CCR8: variants seen among roughly 807,000 people sequenced by gnomAD.
CCR8 encodes C-C chemokine receptor type 8.
For synonymous variants in CCR8, 156 were observed against 165.7 expected (o/e 0.94, Z 0.45); for missense variants, 358 against 417.5 (o/e 0.86, Z 1.24).
rs2041263818 is a variant in CCR8 at position 39,332,428 on chromosome 3, A to G, written c.97A>G (p.Asn33Asp). The G allele has an allele frequency of 6.2e-7, 1 of 1,613,826 alleles. No individual in the cohort carries two copies. ...SPCDAELIQT[N>D]GKLLLAVFYC... ...CTGTGATGCGGAACTTATTCAGACAAATGGCAAGTTGCTCCTTGCTGTCTT... is the reference window on the plus strand; with the variant it reads ...CTGTGATGCGGAACTTATTCAGACAGATGGCAAGTTGCTCCTTGCTGTCTT... The change falls in exon 2 of 2, where the codon AAT becomes GAT. Residue 33 changes from asparagine to aspartate, a missense_variant. Coordinates refer to ENST00000326306, the MANE Select transcript of CCR8 (RefSeq NM_005201.4).
At chr3:39,329,983 A>G (rs1271273947) in intron 1 of CCR8, among the ~76,000 whole-genome samples, 154 bp downstream of exon 1, 1 of 152,214 alleles carries the variant, frequency 6.6e-6, no homozygotes, top group Non-Finnish European at 1.5e-5. Flanking sequence ...CTCAGAGCCC[A>G]CAAACATGCA....
intron 1 of CCR8, among the ~76,000 whole-genome samples, chr3:39,330,306 C>T (rs571881452): frequency 4.6e-5 from 7 of 152,234 alleles, no homozygotes; most frequent in African/African-American, 1.7e-4. Flanking sequence ...GGATTGCTTG[C>T]GCCCAGAAGT....
Position 39,332,323 on chromosome 3 carries a change from G to T in CCR8, c.-9G>T, listed in dbSNP as rs369330562. On this transcript the variant is annotated 5_prime_UTR_variant, in exon 2 of 2. Transcript: ENST00000326306. Reference sequence around the variant, plus strand: ...TTATGTGTCTCTGTGACCAGGTCCCGCTGCCTTGATGGATTATACACTTGA... The same window carrying T: ...TTATGTGTCTCTGTGACCAGGTCCCTCTGCCTTGATGGATTATACACTTGA... 1.3e-6 allele frequency: 2 copies of T among 1,575,466 alleles called. No individual in the cohort carries two copies. The highest frequency in any genetic ancestry group is 1.1e-5 in the South Asian group (1 of 89,922).
At position 39,333,478 on chromosome 3, in the gene CCR8, AGGTTTCC is replaced by A; in HGVS notation, c.*80_*86del. 1 of 1,178,170 alleles carries A rather than the reference AGGTTTCC, an allele frequency of 8.5e-7. No homozygotes were observed. Among genetic ancestry groups the A allele is most frequent in the Admixed American group, 2.7e-5 (1 of 36,910 alleles). The allele number at this position is 1,178,170 out of a possible 1,614,324, so 73.0% of individuals were successfully genotyped here. A position where few individuals can be genotyped will look rare whatever the true frequency, so the allele number is the denominator to read the frequency against. On this transcript the variant is annotated 3_prime_UTR_variant, in exon 2 of 2. Coordinates refer to ENST00000326306, the MANE Select transcript of CCR8 (RefSeq NM_005201.4). ...CAGTGAGCAAAGGTGTGGGTGTGAAAGGTTTCCAAAAAAAGTTCAGCATGAAGGATGC... is the reference window on the plus strand; with the variant it reads ...CAGTGAGCAAAGGTGTGGGTGTGAAAAAAAAAAGTTCAGCATGAAGGATGC...
chr3:39,332,292 T>G lies in CCR8; in HGVS notation c.-14-26T>G, dbSNP rs12486856. On this transcript the variant is annotated intron_variant, in intron 1 of 1. Coordinates refer to ENST00000326306, the MANE Select transcript of CCR8 (RefSeq NM_005201.4). ...AATAAAAATGTTTTTAAGGAGTGAA[T>G]GTCTTTTATGTGTCTCTGTGACCAG... The G allele has an allele frequency of 2.7e-3, 3,602 of 1,311,656 alleles. 118 individuals carry two copies. In the Admixed American group the frequency reaches 0.054, roughly 20 times the overall value. The allele number at this position is 1,311,656 out of a possible 1,614,324, so 81.3% of individuals were successfully genotyped here. A position where few individuals can be genotyped will look rare whatever the true frequency, so the allele number is the denominator to read the frequency against.
chr3:39,332,924 C>A lies in CCR8; in HGVS notation c.593C>A (p.Thr198Asn). The A allele has an allele frequency of 6.2e-7, 1 of 1,613,960 alleles. No individual in the cohort carries two copies. Among genetic ancestry groups the A allele is most frequent in the African/African-American group, 1.3e-5 (1 of 75,022 alleles). ...CAGACTTTGAAGTGGAAGATCTTCACCAACTTCAAAATGAACATTTTAGGC... is the reference window on the plus strand; with the variant it reads ...CAGACTTTGAAGTGGAAGATCTTCAACAACTTCAAAATGAACATTTTAGGC... ...NQQTLKWKIF[T>N]NFKMNILGLL... Residue 198 changes from threonine (T) to asparagine (N), a missense_variant, in exon 2 of 2, where the codon ACC becomes AAC. Thr to Asn is a moderately conservative substitution (Grantham distance 65). Coordinates refer to ENST00000326306, the MANE Select transcript of CCR8 (RefSeq NM_005201.4).
In CCR8 at chr3:39,332,512, G is replaced by A. The variant is rs1357780022; in HGVS notation, c.181G>A (p.Val61Met). 1.2e-6 allele frequency: 2 copies of A among 1,614,022 alleles called. No individual in the cohort carries two copies. Among genetic ancestry groups the A allele is most frequent in the Non-Finnish European group, 1.7e-6 (2 of 1,180,038 alleles). ...LGNSLVILVLVVCKKLRSITD... is the reference protein window; with the variant it reads ...LGNSLVILVLMVCKKLRSITD... ...AAACAGCCTGGTCATCCTGGTCCTT[G>A]TGGTCTGCAAGAAGCTGAGGAGCAT... Residue 61 changes from valine to methionine, a missense_variant, in exon 2 of 2, where the codon GTG becomes ATG. Val to Met is a conservative substitution (Grantham distance 21). Coordinates refer to ENST00000326306, the MANE Select transcript of CCR8 (RefSeq NM_005201.4).
intron 1 of CCR8, 70 bp downstream of exon 1, chr3:39,329,899 A>C (rs142964020): frequency 2.6e-5 from 4 of 152,350 alleles, no homozygotes; most frequent in African/African-American, 9.6e-5. Flanking sequence ...TCTTTAGAGG[A>C]TAGGCAAAGG....
intron 1 of CCR8, among the ~76,000 whole-genome samples, chr3:39,330,946 GTAGT>G (rs1304912769): frequency 1.3e-5 from 2 of 151,456 alleles, no homozygotes; most frequent in Non-Finnish European, 2.9e-5. Flanking sequence ...GATAAGTTGT[GTAGT>G]TAAAGGGAAC....
chr3:39,333,198 CT>C lies in CCR8; in HGVS notation c.870del (p.Phe290LeufsTer6). The C allele has an allele frequency of 2.5e-6, 4 of 1,614,092 alleles. No individual in the cohort carries two copies. The highest frequency in any genetic ancestry group is 3.4e-6 in the Non-Finnish European group (4 of 1,179,994). ...CCACCCATGTCACAGAAATCATTTC[CT>C]TTACTCACTGCTGTGTGAACCCTGT... is the stretch of plus-strand genomic sequence containing the variant. ...YATHVTEIIS[F>X]THCCVNPVIY... On this transcript the variant is annotated frameshift_variant, in exon 2 of 2. Transcript: ENST00000326306. LOFTEE classifies it low-confidence loss of function (END_TRUNC).
Position 39,332,985 on chromosome 3 carries a change from C to A in CCR8, c.654C>A (p.Tyr218Ter). The stretch of plus-strand genomic sequence containing the variant: ...CATTCACCATCTTTATGTTCTGCTA[C>A]ATTAAAATCCTGCACCAGCTGAAGA... ...LIPFTIFMFC[Y>*]IKILHQLKRC... Residue 218 changes from tyrosine (Y) to a stop codon, truncating the protein, a stop_gained, in exon 2 of 2, where the codon TAC (tyrosine) becomes TAA (stop). Transcript: ENST00000326306. LOFTEE classifies it low-confidence loss of function (END_TRUNC). 1.9e-6 allele frequency: 3 copies of A among 1,614,170 alleles called. No individual in the cohort carries two copies. Among genetic ancestry groups the A allele is most frequent in the Non-Finnish European group, 2.5e-6 (3 of 1,180,008 alleles).
At position 39,332,528 on chromosome 3, in the gene CCR8, T is replaced by C; in HGVS notation, c.197T>C (p.Leu66Pro). The change falls in exon 2 of 2, where the codon CTG (leucine) becomes CCG (proline). Residue 66 changes from leucine (L) to proline (P), a missense_variant. Transcript: ENST00000326306. ...VILVLVVCKKLRSITDVYLLN... is the reference protein window; with the variant it reads ...VILVLVVCKKPRSITDVYLLN... ...CTGGTCCTTGTGGTCTGCAAGAAGC[T>C]GAGGAGCATCACAGATGTATACCTC... The C allele has an allele frequency of 6.2e-7, 1 of 1,614,198 alleles. No homozygotes were observed. Among genetic ancestry groups the C allele is most frequent in the Non-Finnish European group, 8.5e-7 (1 of 1,180,020 alleles).
In CCR8 at chr3:39,333,463, A is replaced by C; in HGVS notation, c.*64A>C. 7.5e-7 allele frequency: 1 copy of C among 1,333,264 alleles called. No individual in the cohort carries two copies. 82.6% of individuals were successfully genotyped at this position (1,333,264 alleles called of 1,614,324 possible). A position where few individuals can be genotyped will look rare whatever the true frequency, so the allele number is the denominator to read the frequency against. On this transcript the variant is annotated 3_prime_UTR_variant, in exon 2 of 2. Transcript: ENST00000326306. ...ATGGCATGCTAGTAGCAGTGAGCAA[A>C]GGTGTGGGTGTGAAAGGTTTCCAAA...
At chr3:39,330,334 T>A (rs2041246569) in intron 1 of CCR8, among the ~76,000 whole-genome samples, 1 of 152,138 alleles carries the variant, frequency 6.6e-6, no homozygotes, top group Admixed American at 6.5e-5. Context: ...TTGTGTGAGA[T>A]CACACCTGCG....
intron 1 of CCR8, 114 bp from the exon 2 acceptor site, chr3:39,332,204 A>G: frequency 1.5e-6 from 1 of 647,136 alleles, no homozygotes; most frequent in East Asian, 2.7e-5. Flanking sequence ...GAGGTTGAGC[A>G]CTTCAACACA....
intron 1 of CCR8, among the ~76,000 whole-genome samples, chr3:39,330,411 C>T (rs1043439937): frequency 3.9e-5 from 6 of 152,048 alleles, no homozygotes; most frequent in Non-Finnish European, 8.8e-5. Flanking sequence ...AAATAAATTG[C>T]TTGCTTGCTT....
chr3:39,332,867 G>C lies in CCR8; in HGVS notation c.536G>C (p.Gly179Ala), dbSNP rs1418411498. The change falls in exon 2 of 2, where the codon GGT becomes GCT. Residue 179 changes from glycine (G) to alanine (A), a missense_variant. By Grantham distance (60) the Gly-to-Ala change is moderately conservative. Coordinates refer to ENST00000326306, the MANE Select transcript of CCR8 (RefSeq NM_005201.4). The part of the protein sequence containing the change: ...LVFYQVASED[G>A]VLQCYSFYNQ... The stretch of plus-strand genomic sequence containing the variant: ...TTTTACCAAGTGGCCTCTGAAGATG[G>C]TGTTCTACAGTGTTATTCATTTTAC... 2 of 1,614,162 alleles carry C rather than the reference G, an allele frequency of 1.2e-6. No individual in the cohort carries two copies. Among genetic ancestry groups the C allele is most frequent in the South Asian group, 2.2e-5 (2 of 91,084 alleles).
intron 1 of CCR8, among the ~76,000 whole-genome samples, chr3:39,331,796 CTTTTTTTTTTTTTTTTAATTTTA>C (rs1300056601): frequency 1.6e-5 from 2 of 126,052 alleles, no homozygotes; most frequent in Admixed American, 1.7e-4. Context: ...CTCATTTAAC[CTTTTTTTTTTTTTTTTAATTTTA>C]ATTTTTTTTT....
At position 39,333,074 on chromosome 3, in the gene CCR8, T is replaced by C; in HGVS notation, c.743T>C (p.Leu248Ser). ...GTGCTCATTGTGGTCATTGCATCTT[T>C]ACTTTTCTGGGTCCCATTCAACGTG... Reference protein sequence around the residue: ...RLVLIVVIASLLFWVPFNVVL... With the variant: ...RLVLIVVIASSLFWVPFNVVL... The change falls in exon 2 of 2, where the codon TTA (leucine) becomes TCA (serine). Residue 248 changes from leucine to serine, a missense_variant. Transcript: ENST00000326306. 1 of 1,614,128 alleles carries C rather than the reference T, an allele frequency of 6.2e-7. No individual in the cohort carries two copies. Among genetic ancestry groups the C allele is most frequent in the South Asian group, 1.1e-5 (1 of 91,076 alleles).
Sources: allele counts gnomAD v4.1 joint callset (sites outside exome capture counted in the v4.1 genomes callset), GRCh38; gene constraint gnomAD v4.1.1; transcripts MANE v1.5; gene names NCBI Gene and HGNC (gene_info 2026-07-23, HGNC 2026-07-21).